RBFOX1: variants seen among roughly 807,000 people sequenced by gnomAD.
RBFOX1 encodes RNA binding protein fox-1 homolog 1.
Under a neutral mutation model 57.7 loss-of-function variants are expected in RBFOX1, and 8 were observed. The observed-to-expected ratio is 0.14, with a 90% CI of 0.08 to 0.25. The LOEUF (loss-of-function observed/expected upper bound fraction) is 0.25, where lower values mean the gene tolerates loss of function less well. RBFOX1 is among the 10% of genes least tolerant of loss of function. RBFOX1 has a pLI of 1.00. For missense variants in RBFOX1, 611 were observed against 548.5 expected (o/e 1.11, Z -1.14); for synonymous variants, 326 against 222.4 (o/e 1.47, Z -4.15).
chr16:6,520,612 T>C (rs1047825070), intron 2 of RBFOX1, among the ~76,000 whole-genome samples: 10 of 152,174 alleles, frequency 6.6e-5, no homozygotes, highest in Non-Finnish European at 1.2e-4. Context: ...TGTGGGCACC[T>C]TTAGCTTGAA....
At chr16:5,295,817 A>G (rs1733214672) in intron 1 of RBFOX1, among the ~76,000 whole-genome samples, 1 of 152,176 alleles carries the variant, frequency 6.6e-6, no homozygotes, top group African/African-American at 2.4e-5. Flanking sequence ...GAGGTTGTAC[A>G]AGGGTGTCAG....
intron 4 of RBFOX1, among the ~76,000 whole-genome samples, chr16:7,244,797 A>C (rs966482947): frequency 6.6e-6 from 1 of 152,224 alleles, no homozygotes; most frequent in African/African-American, 2.4e-5. Flanking sequence ...CTGGGTCATC[A>C]GACATATGGC....
intron 2 of RBFOX1, among the ~76,000 whole-genome samples, chr16:6,385,017 C>G (rs1015653287): frequency 6.6e-6 from 1 of 152,174 alleles, no homozygotes; most frequent in African/African-American, 2.4e-5. Flanking sequence ...CACCCCCTCC[C>G]TGTTTGCTAT....
At chr16:6,688,849 C>G (rs1015221146) in intron 3 of RBFOX1, among the ~76,000 whole-genome samples, 1 of 152,156 alleles carries the variant, frequency 6.6e-6, no homozygotes, top group Non-Finnish European at 1.5e-5. Flanking sequence ...CATGTGTTCT[C>G]ATTGTTCAAC....
chr16:7,163,810 C>G (rs1187432859), intron 4 of RBFOX1, among the ~76,000 whole-genome samples: 1 of 152,070 alleles, frequency 6.6e-6, no homozygotes, highest in African/African-American at 2.4e-5. Flanking sequence ...GCGCATGCCA[C>G]CACACCCAGC....
intron 2 of RBFOX1, among the ~76,000 whole-genome samples, chr16:6,318,612 G>A (rs1567926346): frequency 6.6e-6 from 1 of 152,028 alleles, no homozygotes; most frequent in Non-Finnish European, 1.5e-5. Flanking sequence ...AGAAATTCCT[G>A]TTCCAACCCT....
rs536102164 is a variant in RBFOX1 at position 6,642,258 on chromosome 16, C to A, written c.-63-12345C>A. 9.8e-5 allele frequency among the ~76,000 whole-genome samples: 15 copies of A among 152,312 alleles called. No homozygotes were observed. In the South Asian group the frequency reaches 3.1e-3, roughly 32 times the overall value. On this transcript the variant is annotated intron_variant, in intron 2 of 15. Transcript: ENST00000550418. ...AGCTGACATCTCGAGAAGTATTCTT[C>A]TTAAAAGCTGAGCGAAAATTATTCA...
At chr16:7,027,401 TGTAA>T (rs1188484523) in intron 3 of RBFOX1, among the ~76,000 whole-genome samples, 3 of 152,212 alleles carry the variant, frequency 2.0e-5, no homozygotes, top group African/African-American at 7.2e-5. Context: ...ACAAAAACCC[TGTAA>T]GTTAGACACC....
intron 1 of RBFOX1, among the ~76,000 whole-genome samples, chr16:5,428,957 A>G (rs901433115): frequency 6.6e-6 from 1 of 152,082 alleles, no homozygotes; most frequent in Non-Finnish European, 1.5e-5. Flanking sequence ...TGAGCAGTGC[A>G]GGGGCTTTTC....
At chr16:6,346,130 T>G (rs1177577502) in intron 2 of RBFOX1, among the ~76,000 whole-genome samples, 1 of 152,180 alleles carries the variant, frequency 6.6e-6, no homozygotes, top group Non-Finnish European at 1.5e-5. Context: ...TTTCCCAGCT[T>G]GACTTTTCCC....
At position 5,908,344 on chromosome 16, in the gene RBFOX1, GTGTGTGTGTC is replaced by G. The variant is rs1244035738; in HGVS notation, c.351+41019_351+41028del. ...CACACATATATATATGTGTGTGTGTGTGTGTGTGTCTGTGTGTGTTTTTTGTAAGACAGAG... is the reference window on the plus strand; with the variant it reads ...CACACATATATATATGTGTGTGTGTGTGTGTGTGTTTTTTGTAAGACAGAG... On this transcript the variant is annotated intron_variant, in intron 4 of 19. Coordinates refer to the RBFOX1 transcript ENST00000641259. Among the ~76,000 whole-genome samples the G allele has an allele frequency of 1.6e-3, 132 of 80,966 alleles. 1 individual carries two copies. In the East Asian group the frequency reaches 0.044, roughly 27 times the overall value. 53.1% of individuals were successfully genotyped at this position (80,966 alleles called of 152,430 possible).
intron 1 of RBFOX1, among the ~76,000 whole-genome samples, chr16:6,270,338 C>G (rs2075055322): frequency 6.6e-6 from 1 of 151,534 alleles, no homozygotes; most frequent in African/African-American, 2.4e-5. Context: ...ACAAGAAACT[C>G]CTTTCAAATT....
chr16:5,429,393 G>A (rs778206995), intron 1 of RBFOX1, among the ~76,000 whole-genome samples: 1 of 152,198 alleles, frequency 6.6e-6, no homozygotes, highest in African/African-American at 2.4e-5. Flanking sequence ...CCTTAGGCGG[G>A]ACTCGGGGGA....
chr16:7,440,333 A>C (rs1283844413), intron 4 of RBFOX1, among the ~76,000 whole-genome samples: 1 of 152,208 alleles, frequency 6.6e-6, no homozygotes, highest in African/African-American at 2.4e-5. Context: ...ACTGTGAAAA[A>C]ACAAGATTGT....
chr16:7,480,196 T>C (rs1193167713), intron 4 of RBFOX1, among the ~76,000 whole-genome samples: 8 of 152,194 alleles, frequency 5.3e-5, no homozygotes, highest in Admixed American at 5.2e-4. Context: ...GAGCTTTGGG[T>C]GAGGGGATGT....
chr16:6,907,856 G>C (rs1193620104), intron 3 of RBFOX1, among the ~76,000 whole-genome samples: 1 of 151,746 alleles, frequency 6.6e-6, no homozygotes, highest in Non-Finnish European at 1.5e-5. Flanking sequence ...TTACAGGCAT[G>C]AGCCCCCATG....
chr16:6,257,072 T>C (rs2097672456), intron 1 of RBFOX1, among the ~76,000 whole-genome samples: 1 of 152,152 alleles, frequency 6.6e-6, no homozygotes, highest in African/African-American at 2.4e-5. Context: ...TTTTGATGTA[T>C]TTTATTTATT....
chr16:7,539,558 G>A (rs1408728727), intron 5 of RBFOX1, among the ~76,000 whole-genome samples: 1 of 152,112 alleles, frequency 6.6e-6, no homozygotes, highest in Non-Finnish European at 1.5e-5. Flanking sequence ...TTTCCCAATG[G>A]GATCACCCAA....
intron 3 of RBFOX1, among the ~76,000 whole-genome samples, chr16:7,043,593 T>G (rs983997551): frequency 6.6e-6 from 1 of 152,236 alleles, no homozygotes; most frequent in Non-Finnish European, 1.5e-5. Context: ...TGATTTGATA[T>G]ATTGAGTTCT....
Sources: allele counts gnomAD v4.1 joint callset (sites outside exome capture counted in the v4.1 genomes callset), GRCh38; gene constraint gnomAD v4.1.1; transcripts MANE v1.5; gene names NCBI Gene and HGNC (gene_info 2026-07-23, HGNC 2026-07-21).